Variants in SPATA13 observed in about 807,000 individuals in gnomAD.
SPATA13 encodes the protein spermatogenesis associated 13, also known as spermatogenesis-associated protein 13.
Under a neutral mutation model 104.0 loss-of-function variants are expected in SPATA13, and 50 were observed. The observed-to-expected ratio is 0.48, with a 90% confidence interval of 0.38 to 0.61. The LOEUF is 0.61. SPATA13 is among the 20% of genes least tolerant of loss of function. The probability of loss-of-function intolerance (pLI) is 0.00; values close to 1 mark genes in which losing one functional copy is unlikely to be tolerated. For missense variants in SPATA13, 1,524 were observed against 1,690.6 expected, an observed-to-expected ratio of 0.90 and a Z score of 1.73; for synonymous variants, 606 against 667.5, an observed-to-expected ratio of 0.91 and a Z score of 1.42.
chr13:24,059,558 AT>A (rs1878704143), intron 3 of SPATA13, among the ~76,000 whole-genome samples: 1 of 152,362 alleles, frequency 6.6e-6, no homozygotes, highest in South Asian at 2.1e-4. Context: ...AAAACAAAAC[AT>A]TTTGGAGAGG....
In SPATA13 at chr13:24,117,630, A is replaced by G. The variant is rs111600473; in HGVS notation, c.-112+99929A>G. ...CTCTGAGCTTTCTTGTCCCAAAAGG[A>G]GCCTTCCTAAAATAGTCTTTAAGTG... On this transcript the variant is annotated intron_variant, in intron 3 of 14. Transcript: ENST00000424834. Among the ~76,000 whole-genome samples, 368 of 152,284 alleles carry G rather than the reference A, an allele frequency of 2.4e-3. 6 individuals carry two copies. The highest frequency in any genetic ancestry group is 8.2e-3 in the African/African-American group (340 of 41,550).
In SPATA13 at chr13:24,286,777, C is replaced by G; in HGVS notation, c.2494C>G (p.Gln832Glu). The change falls in exon 7 of 13, where the codon CAG (glutamine) becomes GAG (glutamate). Residue 832 changes from glutamine (Q) to glutamate (E), a missense_variant. Transcript: ENST00000382108. The surrounding 1 kb of genome is among the most constrained non-coding windows in gnomAD (Gnocchi z 4.9). The part of the protein sequence containing the change: ...PASFVRLRVN[Q>E]EELSENSSST... ...ATGTGGGTTGCAGTTGCGAGTGAATCAGGAAGAGCTGTCGGAAAACTCCAG... is the reference window on the plus strand; with the variant it reads ...ATGTGGGTTGCAGTTGCGAGTGAATGAGGAAGAGCTGTCGGAAAACTCCAG... 6.2e-7 allele frequency: 1 copy of G among 1,613,574 alleles called. No homozygotes were observed. Among genetic ancestry groups the G allele is most frequent in the Non-Finnish European group, 8.5e-7 (1 of 1,179,882 alleles).
rs2031161 is a variant in SPATA13 at position 24,220,191 on chromosome 13, A to G, written c.-111-2628A>G. On this transcript the variant is annotated intron_variant, in intron 1 of 12. Coordinates refer to ENST00000382108, the MANE Select transcript of SPATA13 (RefSeq NM_001166271.3). ...CTCTTCCTCTGTAGACAGCACTGAA[A>G]TACAGATCACTGAAATGACTGACTC... 0.017 allele frequency among the ~76,000 whole-genome samples: 2,517 copies of G among 152,272 alleles called. 131 individuals are homozygous for G. The East Asian group carries it at 0.18, about 11-fold the overall frequency.
intron 1 of SPATA13, among the ~76,000 whole-genome samples, chr13:24,183,676 C>A (rs1156707063): frequency 6.7e-6 from 1 of 149,952 alleles, no homozygotes; most frequent in Non-Finnish European, 1.5e-5. Context: ...CAAGACAATT[C>A]TTCTTCTTCC....
intron 3 of SPATA13, among the ~76,000 whole-genome samples, chr13:24,047,322 C>T (rs1295737079): frequency 6.6e-6 from 1 of 152,206 alleles, no homozygotes; most frequent in African/African-American, 2.4e-5. Context: ...TATAGAAAAG[C>T]AAGCCAGAGA....
chr13:24,275,022 C>T (rs538369514), intron 4 of SPATA13, among the ~76,000 whole-genome samples: 2 of 152,218 alleles, frequency 1.3e-5, no homozygotes, highest in East Asian at 1.9e-4. Flanking sequence ...CAGGACTACC[C>T]TCCCCCACTT....
intron 2 of SPATA13, among the ~76,000 whole-genome samples, chr13:24,013,044 C>T (rs1876547516): frequency 6.6e-6 from 1 of 152,164 alleles, no homozygotes. Context: ...GGCCCATTGT[C>T]ACCCCTTTGC....
chr13:24,185,036 C>T (rs1869059133), intron 1 of SPATA13, among the ~76,000 whole-genome samples: 1 of 152,138 alleles, frequency 6.6e-6, no homozygotes, highest in African/African-American at 2.4e-5. Context: ...GCACGTGTAT[C>T]GAGCATTGTG....
chr13:24,188,787 G>T (rs1869327061), intron 1 of SPATA13, among the ~76,000 whole-genome samples: 1 of 152,108 alleles, frequency 6.6e-6, no homozygotes, highest in African/African-American at 2.4e-5. Context: ...GAGAGGAGAA[G>T]TCAGTGTCTG....
chr13:24,295,413 C>G (rs1876699099), intron 10 of SPATA13, among the ~76,000 whole-genome samples: 1 of 152,080 alleles, frequency 6.6e-6, no homozygotes, highest in Non-Finnish European at 1.5e-5. Context: ...GAGTTTGAGA[C>G]TAGCCTGGGC....
intron 3 of SPATA13, among the ~76,000 whole-genome samples, chr13:24,154,284 C>G (rs1330080787): frequency 1.3e-5 from 2 of 152,114 alleles, no homozygotes; most frequent in Non-Finnish European, 2.9e-5. Context: ...GTAAAACAAT[C>G]TAATTGTCCA....
intron 3 of SPATA13, among the ~76,000 whole-genome samples, chr13:24,114,829 A>C (rs1258050304): frequency 6.6e-6 from 1 of 151,928 alleles, no homozygotes; most frequent in African/African-American, 2.4e-5. Flanking sequence ...CGCCTGGCTA[A>C]TTTTGTATTT....
chr13:24,250,829 A>G (rs1003399957), intron 3 of SPATA13, among the ~76,000 whole-genome samples: 8 of 152,200 alleles, frequency 5.3e-5, no homozygotes, highest in African/African-American at 1.9e-4. Context: ...ACTGAAGCAA[A>G]TTGTCACGCA....
intron 4 of SPATA13, among the ~76,000 whole-genome samples, chr13:24,281,998 G>A (rs1051702845): frequency 4.6e-5 from 7 of 152,196 alleles, no homozygotes; most frequent in Non-Finnish European, 1.0e-4. Flanking sequence ...CTGCAGTGTT[G>A]ATTACCCCCA....
intron 11 of SPATA13, among the ~76,000 whole-genome samples, chr13:24,299,654 C>A (rs1301061005): frequency 6.6e-6 from 1 of 152,216 alleles, no homozygotes; most frequent in East Asian, 1.9e-4. Flanking sequence ...GCAGTGCAAG[C>A]TAGCAGACAC....
At position 24,146,273 on chromosome 13, in the gene SPATA13, G is replaced by A. The variant is rs576029735; in HGVS notation, c.-111-76546G>A. Among the ~76,000 whole-genome samples the A allele has an allele frequency of 2.0e-5, 3 of 152,326 alleles. 1 individual carries two copies. The highest frequency in any genetic ancestry group is 6.5e-5 in the Admixed American group (1 of 15,302). Reference sequence around the variant, plus strand: ...AGGGACTGAAGCCAATTAAATCGGGGCACTCCAGCTTCACTGACAAGGCTG... The same window carrying A: ...AGGGACTGAAGCCAATTAAATCGGGACACTCCAGCTTCACTGACAAGGCTG... On this transcript the variant is annotated intron_variant, in intron 3 of 14. Coordinates refer to the SPATA13 transcript ENST00000424834.
intron 3 of SPATA13, among the ~76,000 whole-genome samples, chr13:24,060,483 A>G (rs2902188): frequency 0.87 from 132,480 of 152,272 alleles, 58,727 homozygotes; most frequent in East Asian, 0.99. Context: ...CTAAACCCTG[A>G]AAGACAACCT....
intron 3 of SPATA13, chr13:24,122,429 A>G (rs1327451265): frequency 1.1e-5 from 17 of 1,594,032 alleles, no homozygotes; most frequent in Admixed American, 3.3e-5. Flanking sequence ...TCATCTTCTT[A>G]CCAGTCTTCA....
chr13:24,019,149 C>T (rs973671408), intron 3 of SPATA13, among the ~76,000 whole-genome samples: 5 of 146,324 alleles, frequency 3.4e-5, no homozygotes, highest in African/African-American at 1.0e-4. Context: ...AGTGCAGTGG[C>T]GGGATCTCGG....
Sources: allele counts gnomAD v4.1 joint callset (sites outside exome capture counted in the v4.1 genomes callset), GRCh38; gene constraint gnomAD v4.1.1; non-coding constraint Gnocchi (gnomAD v3.1); transcripts MANE v1.5; gene names NCBI Gene and HGNC (gene_info 2026-07-23, HGNC 2026-07-21).